Variants in RPA1 observed in about 807,000 individuals in gnomAD.
RPA1 encodes replication protein A1.
RPA1 carries 49 observed loss-of-function variants against 83.0 expected under a neutral mutation model. The observed-to-expected ratio is 0.59, with a 90% confidence interval of 0.47 to 0.75. RPA1 has a LOEUF of 0.75. RPA1 is among the 30% of genes least tolerant of loss of function. The probability of loss-of-function intolerance (pLI) is 0.00; values close to 1 mark genes in which losing one functional copy is unlikely to be tolerated. For synonymous variants in RPA1, 279 were observed against 281.8 expected (o/e 0.99, Z 0.10); for missense variants, 693 against 776.1 (o/e 0.89, Z 1.27).
intron 1 of RPA1, among the ~76,000 whole-genome samples, chr17:1,835,488 A>C (rs1330115171): frequency 2.0e-5 from 3 of 152,134 alleles, no homozygotes; most frequent in African/African-American, 7.2e-5. Context: ...ATTTGTAAAC[A>C]GCTGATTTCT....
At chr17:1,842,742 C>T in intron 1 of RPA1, 61 bp from the exon 2 acceptor site, 10 of 1,442,816 alleles carry the variant, frequency 6.9e-6, no homozygotes, top group Non-Finnish European at 9.7e-6. Flanking sequence ...ACTATAAAAA[C>T]ATGTCATTTT....
Position 1,842,849 on chromosome 17 carries a change from T to C in RPA1, c.80T>C (p.Val27Ala). Residue 27 changes from valine (V) to alanine (A), a missense_variant, in exon 2 of 17, where the codon GTC (valine) becomes GCC (alanine). Transcript: ENST00000254719. ...ACAAACATAAAGCCCATCCTCCAAG[T>C]CATCGTAAGTACCTGCGTATGTTAT... ...GDTNIKPILQ[V>A]INIRPITTGN... The C allele has an allele frequency of 1.9e-6, 3 of 1,614,062 alleles. No homozygotes were observed. Among genetic ancestry groups the C allele is most frequent in the Non-Finnish European group, 2.5e-6 (3 of 1,179,946 alleles).
chr17:1,843,713 C>T (rs1912147250), intron 2 of RPA1, among the ~76,000 whole-genome samples: 1 of 151,402 alleles, frequency 6.6e-6, no homozygotes. Flanking sequence ...TTACTTCCCT[C>T]TCTGTTGTGT....
chr17:1,853,779 GT>G (rs1912587847), intron 5 of RPA1, among the ~76,000 whole-genome samples: 2 of 152,190 alleles, frequency 1.3e-5, no homozygotes, highest in African/African-American at 4.8e-5. Context: ...CAGGATATCT[GT>G]AATATTAATG....
intron 12 of RPA1, 106 bp from the exon 13 acceptor site, chr17:1,883,706 C>T (rs1913884913): frequency 1.1e-5 from 16 of 1,438,250 alleles, no homozygotes; most frequent in South Asian, 4.9e-5. Context: ...GAAAGCTGGG[C>T]GGGTGGTGGG....
intron 14 of RPA1, among the ~76,000 whole-genome samples, chr17:1,890,571 G>A (rs1396159584): frequency 6.6e-6 from 1 of 152,084 alleles, no homozygotes; most frequent in Non-Finnish European, 1.5e-5. Flanking sequence ...GCTGAGGCCG[G>A]GGAATGGCAT....
At chr17:1,835,169 C>CA (rs1379600911) in intron 1 of RPA1, among the ~76,000 whole-genome samples, 1 of 151,822 alleles carries the variant, frequency 6.6e-6, no homozygotes. Context: ...TTTTAAATGA[C>CA]AGAGTCTTGT....
In RPA1 at chr17:1,898,255, A is replaced by G. The variant is rs746686462; in HGVS notation, c.*1080A>G. ...GCATCTTTCAAAGCATGAAAACACT[A>G]AAAACAAAAAGCCATTTTGCCTGAG... On this transcript the variant is annotated 3_prime_UTR_variant, in exon 17 of 17. Coordinates refer to ENST00000254719, the MANE Select transcript of RPA1 (RefSeq NM_002945.5). 6.6e-6 allele frequency: 1 copy of G among 152,236 alleles called. No homozygotes were observed. The highest frequency in any genetic ancestry group is 1.5e-5 in the Non-Finnish European group (1 of 68,046). 9.4% of individuals were successfully genotyped at this position (152,236 alleles called of 1,614,324 possible).
At chr17:1,871,400 T>C (rs1433298855) in intron 5 of RPA1, among the ~76,000 whole-genome samples, 1 of 152,146 alleles carries the variant, frequency 6.6e-6, no homozygotes. Context: ...GTTAGGACCT[T>C]GGAAAACGCA....
intron 10 of RPA1, 71 bp downstream of exon 10, chr17:1,879,478 C>A: frequency 4.3e-6 from 7 of 1,611,006 alleles, no homozygotes; most frequent in Non-Finnish European, 5.9e-6. Flanking sequence ...TGGTGTCAGG[C>A]TTCAGTGCTT....
intron 4 of RPA1, among the ~76,000 whole-genome samples, chr17:1,847,792 G>A (rs113487851): frequency 9.9e-5 from 15 of 151,482 alleles, no homozygotes; most frequent in Admixed American, 7.2e-4. Flanking sequence ...AGGCTGAGGC[G>A]GGGCAGATCA....
At chr17:1,892,997 G>A (rs1034576447) in intron 15 of RPA1, among the ~76,000 whole-genome samples, 1 of 152,306 alleles carries the variant, frequency 6.6e-6, no homozygotes, top group Non-Finnish European at 1.5e-5. Context: ...TGGAATACTT[G>A]TAAAGGCCAC....
chr17:1,882,977 G>C (rs922827898), intron 12 of RPA1, among the ~76,000 whole-genome samples: 1 of 152,084 alleles, frequency 6.6e-6, no homozygotes, highest in Admixed American at 6.6e-5. Flanking sequence ...CTTCACCACT[G>C]GGGGGCATCA....
chr17:1,887,197 A>T (rs746528552), intron 13 of RPA1, among the ~76,000 whole-genome samples: 1 of 152,180 alleles, frequency 6.6e-6, no homozygotes, highest in Non-Finnish European at 1.5e-5. Context: ...ACATTCATCA[A>T]TATAAGTTCC....
chr17:1,838,245 C>T (rs1201164272), intron 1 of RPA1, among the ~76,000 whole-genome samples: 3 of 151,646 alleles, frequency 2.0e-5, no homozygotes, highest in Non-Finnish European at 2.9e-5. Flanking sequence ...GAGCCAAGAT[C>T]GCACCACTGC....
intron 3 of RPA1, 57 bp downstream of exon 3, chr17:1,844,055 C>G: frequency 6.7e-7 from 1 of 1,486,322 alleles, no homozygotes; most frequent in South Asian, 1.2e-5. Context: ...AGAAGCACAC[C>G]TGGTCCTTTG....
rs1253795798 is a variant in RPA1, at chr17:1,879,354, T to G, written c.899T>G (p.Phe300Cys). The stretch of plus-strand genomic sequence containing the variant: ...GACCATCATTTACCTACGGTTCAGT[T>G]TGATTTCACGGGGATTGATGACCTC... ...EDDHHLPTVQ[F>C]DFTGIDDLEN... The change falls in exon 10 of 17, where the codon TTT (phenylalanine) becomes TGT (cysteine). Residue 300 changes from phenylalanine (F) to cysteine (C), a missense_variant. Coordinates refer to ENST00000254719, the MANE Select transcript of RPA1 (RefSeq NM_002945.5). 1 of 1,614,042 alleles carries G rather than the reference T, an allele frequency of 6.2e-7. No homozygotes were observed. The highest frequency in any genetic ancestry group is 1.3e-5 in the African/African-American group (1 of 74,920).
chr17:1,885,739 C>A lies in RPA1; in HGVS notation c.1374+1795C>A, dbSNP rs150056468. 3.7e-4 allele frequency among the ~76,000 whole-genome samples: 57 copies of A among 152,296 alleles called. No homozygotes were observed. In the East Asian group the frequency reaches 0.01, roughly 28 times the overall value. ...ACAGGTGTGAGCGACTGTGCCCAGC[C>A]AACTGTTCTTAATAGCATCTAGAAT... On this transcript the variant is annotated intron_variant, in intron 13 of 16. Coordinates refer to ENST00000254719, the MANE Select transcript of RPA1 (RefSeq NM_002945.5).
chr17:1,896,714 G>A (rs1175503275), intron 16 of RPA1, among the ~76,000 whole-genome samples: 1 of 152,220 alleles, frequency 6.6e-6, no homozygotes, highest in Admixed American at 6.5e-5. Context: ...TTAGCTTTCA[G>A]AACTAGCTGT....
Sources: gnomAD v4.1 joint callset for allele counts (sites outside exome capture counted in the v4.1 genomes callset) on GRCh38, gnomAD v4.1.1 for gene constraint, MANE v1.5 for transcripts, NCBI Gene and HGNC (gene_info 2026-07-23, HGNC 2026-07-21) for gene names.